HMG20A: variants seen among roughly 807,000 people sequenced by gnomAD.
The protein encoded by HMG20A is high mobility group protein 20A.
In HMG20A, 17 loss-of-function variants were observed where a neutral mutation model predicts 43.9. The observed-to-expected ratio is 0.39, with a 90% CI of 0.27 to 0.58. The LOEUF is 0.58. Among genes scored for constraint, HMG20A ranks in the 20% least tolerant of loss-of-function variants. The pLI is 0.59. For missense variants in HMG20A, 341 were observed against 438.2 expected (o/e 0.78, Z 1.98); for synonymous variants, 132 against 147.5 (o/e 0.89, Z 0.76).
intron 1 of HMG20A, among the ~76,000 whole-genome samples, chr15:77,452,353 C>T (rs1391473955): frequency 6.6e-6 from 1 of 152,154 alleles, no homozygotes; most frequent in Non-Finnish European, 1.5e-5. Context: ...AAGTGTAGTA[C>T]AGTGAGTCAA....
At chr15:77,440,999 T>C (rs1034796376) in intron 1 of HMG20A, among the ~76,000 whole-genome samples, 10 of 152,166 alleles carry the variant, frequency 6.6e-5, no homozygotes, top group East Asian at 3.8e-4. Context: ...TGCCTGGTAC[T>C]TAGTAAGCAA....
At chr15:77,434,636 A>C (rs1158825538) in intron 1 of HMG20A, among the ~76,000 whole-genome samples, 1 of 152,212 alleles carries the variant, frequency 6.6e-6, no homozygotes, top group Non-Finnish European at 1.5e-5. Context: ...TATTTACATT[A>C]AATAAGTGCA....
the HMG20A span, among the ~76,000 whole-genome samples, chr15:77,492,935 A>G: frequency 6.6e-6 from 1 of 152,152 alleles, no homozygotes; most frequent in East Asian, 1.9e-4. Context: ...TCAGTGAGGA[A>G]TTCTTCAAGG....
the HMG20A span, among the ~76,000 whole-genome samples, chr15:77,506,030 C>G: frequency 6.8e-6 from 1 of 146,932 alleles, no homozygotes. Flanking sequence ...CCACTTTTCC[C>G]ATGTAGGATT....
At chr15:77,500,149 T>C in the HMG20A span, among the ~76,000 whole-genome samples, 2 of 152,124 alleles carry the variant, frequency 1.3e-5, no homozygotes, top group African/African-American at 4.8e-5. Context: ...CTATTTTAAA[T>C]GAGATCATAG....
chr15:77,507,550 G>A, the HMG20A span, among the ~76,000 whole-genome samples: 46 of 152,330 alleles, frequency 3.0e-4, no homozygotes, highest in Middle Eastern at 0.014. Flanking sequence ...GAAGTGGGAC[G>A]CAAGCAAAGA....
chr15:77,470,881 T>A, intron 4 of HMG20A, 29 bp from the exon 5 acceptor site: 1 of 1,538,962 alleles, frequency 6.5e-7, no homozygotes, highest in Non-Finnish European at 8.7e-7. Context: ...TCTCATTTTC[T>A]TGAAAATAAT....
chr15:77,477,235 T>C (rs183894441), intron 6 of HMG20A, among the ~76,000 whole-genome samples: 1 of 152,340 alleles, frequency 6.6e-6, no homozygotes, highest in Admixed American at 6.5e-5. Flanking sequence ...CTTTCACAAC[T>C]GTATACTGTT....
chr15:77,473,219 A>G (rs934808049), intron 6 of HMG20A, among the ~76,000 whole-genome samples: 1 of 152,270 alleles, frequency 6.6e-6, no homozygotes, highest in Non-Finnish European at 1.5e-5. Flanking sequence ...ATATAAATGT[A>G]ATTATATATG....
In HMG20A at chr15:77,438,281, A is replaced by G. The variant is rs185411384; in HGVS notation, c.-5+17277A>G. On this transcript the variant is annotated intron_variant, in intron 1 of 9. Coordinates refer to ENST00000336216, the MANE Select transcript of HMG20A (RefSeq NM_001304504.2). ...GGTGTGAGCGACTGGACCCAGCCAA[A>G]CTGCAATTTTAAAAAAATACATAAG... Among the ~76,000 whole-genome samples, 3 of 151,816 alleles carry G rather than the reference A, an allele frequency of 2.0e-5. No homozygotes were observed. The South Asian group carries it at 6.2e-4, about 32-fold the overall frequency.
At chr15:77,468,531 T>A (rs74671117) in intron 4 of HMG20A, among the ~76,000 whole-genome samples, 1 of 152,012 alleles carries the variant, frequency 6.6e-6, no homozygotes, top group Non-Finnish European at 1.5e-5. Flanking sequence ...GCATATGCAC[T>A]TATATGCTCA....
the HMG20A span, among the ~76,000 whole-genome samples, chr15:77,498,260 C>T: frequency 1.2e-3 from 182 of 152,274 alleles, 1 homozygote; most frequent in Middle Eastern, 0.02. Flanking sequence ...CTTCTCCCTG[C>T]GCTGGATTTT....
intron 1 of HMG20A, among the ~76,000 whole-genome samples, chr15:77,433,013 TTGACA>T (rs890464363): frequency 3.9e-5 from 6 of 152,088 alleles, no homozygotes; most frequent in African/African-American, 1.4e-4. Context: ...ATATAAAAAA[TTGACA>T]TGAAGAAATA....
chr15:77,512,626 G>A, the HMG20A span, among the ~76,000 whole-genome samples: 1 of 151,786 alleles, frequency 6.6e-6, no homozygotes, highest in Non-Finnish European at 1.5e-5. Context: ...AATGTAGAAG[G>A]GATAATGGAA....
At chr15:77,518,152 A>G in the HMG20A span, among the ~76,000 whole-genome samples, 1 of 152,162 alleles carries the variant, frequency 6.6e-6, no homozygotes, top group South Asian at 2.1e-4. Context: ...CAGAGTTTTC[A>G]CTTTGTGAGG....
At chr15:77,519,846 A>G in the HMG20A span, among the ~76,000 whole-genome samples, 5 of 152,212 alleles carry the variant, frequency 3.3e-5, no homozygotes, top group Non-Finnish European at 7.3e-5. Context: ...CAAGGGGACT[A>G]GTTTGTTAGT....
chr15:77,468,304 T>C (rs575961586), intron 4 of HMG20A, among the ~76,000 whole-genome samples: 2 of 152,296 alleles, frequency 1.3e-5, no homozygotes, highest in East Asian at 3.9e-4. Flanking sequence ...TACAGAAATG[T>C]ATAAACAAAA....
At chr15:77,456,726 T>C (rs17471431) in intron 1 of HMG20A, among the ~76,000 whole-genome samples, 33,484 of 151,912 alleles carry the variant, frequency 0.22, 4,137 homozygotes, top group Middle Eastern at 0.3. Flanking sequence ...TTAGTCTGTA[T>C]GGTATCTAAC....
At chr15:77,513,353 TC>T in the HMG20A span, among the ~76,000 whole-genome samples, 1 of 152,162 alleles carries the variant, frequency 6.6e-6, no homozygotes, top group Non-Finnish European at 1.5e-5. Context: ...TATGACCCAC[TC>T]CTGGGGACAG....
Sources: allele counts gnomAD v4.1 joint callset (sites outside exome capture counted in the v4.1 genomes callset), GRCh38; gene constraint gnomAD v4.1.1; transcripts MANE v1.5; gene names NCBI Gene and HGNC (gene_info 2026-07-23, HGNC 2026-07-21).